The following UGP2 variants were observed in gnomAD, a reference collection of about 807,000 sequenced individuals.
UGP2 encodes UDP-glucose pyrophosphorylase 2.
Under a neutral mutation model 49.0 loss-of-function variants are expected in UGP2, and 40 were observed. That is an observed-to-expected ratio of 0.82 (90% CI 0.63 to 1.06). The LOEUF (loss-of-function observed/expected upper bound fraction) is 1.06, where lower values mean the gene tolerates loss of function less well. Among genes scored for constraint, UGP2 ranks in the 50% least tolerant of loss-of-function variants. The pLI, the probability that UGP2 is intolerant of heterozygous loss-of-function variation, is 0.00. For synonymous variants in UGP2, 225 were observed against 213.0 expected, an observed-to-expected ratio of 1.06 and a Z score of -0.49; for missense variants, 460 against 603.5, an observed-to-expected ratio of 0.76 and a Z score of 2.49.
intron 7 of UGP2, among the ~76,000 whole-genome samples, chr2:63,886,886 T>C (rs1239692695): frequency 3.3e-5 from 5 of 152,212 alleles, no homozygotes; most frequent in Non-Finnish European, 5.9e-5. Context: ...CATGAAATGA[T>C]ATTACTGAAC....
chr2:63,891,097 C>T, intron 9 of UGP2, 23 bp from the exon 10 acceptor site: 1 of 1,597,382 alleles, frequency 6.3e-7, no homozygotes, highest in Non-Finnish European at 8.6e-7. Context: ...CAAGTACACT[C>T]TTTTGTTTTC....
chr2:63,848,156 C>G (rs537902883), intron 1 of UGP2, among the ~76,000 whole-genome samples: 1 of 152,272 alleles, frequency 6.6e-6, no homozygotes, highest in African/African-American at 2.4e-5. Flanking sequence ...GATTCAGTTA[C>G]TACCTTTTTG....
chr2:63,849,035 A>G (rs747560540), intron 1 of UGP2, among the ~76,000 whole-genome samples: 1 of 152,188 alleles, frequency 6.6e-6, no homozygotes, highest in Non-Finnish European at 1.5e-5. Flanking sequence ...TTGTCTCGTT[A>G]ATATACATAA....
chr2:63,842,859 G>GT (rs1270403839), intron 1 of UGP2, among the ~76,000 whole-genome samples: 7 of 152,194 alleles, frequency 4.6e-5, no homozygotes, highest in Non-Finnish European at 8.8e-5. Flanking sequence ...TTTAAAAAGG[G>GT]TTAGGGAATG....
intron 9 of UGP2, 149 bp from the exon 10 acceptor site, chr2:63,890,971 C>CTGTT: frequency 1.9e-6 from 1 of 531,532 alleles, no homozygotes; most frequent in Non-Finnish European, 3.3e-6. Context: ...TTTTCCTTAA[C>CTGTT]TGTTATTTGT....
chr2:63,869,311 T>G (rs969679009), intron 3 of UGP2, among the ~76,000 whole-genome samples: 1 of 152,246 alleles, frequency 6.6e-6, no homozygotes, highest in African/African-American at 2.4e-5. Context: ...CTGTATTTAT[T>G]AAAGCATTTA....
chr2:63,850,250 C>T (rs1329994246), intron 1 of UGP2, among the ~76,000 whole-genome samples: 2 of 152,000 alleles, frequency 1.3e-5, no homozygotes, highest in East Asian at 1.9e-4. Context: ...TCTTTTTTAG[C>T]GAGCTGCTCT....
chr2:63,845,363 A>T (rs1419875072), intron 1 of UGP2, among the ~76,000 whole-genome samples: 1 of 152,232 alleles, frequency 6.6e-6, no homozygotes, highest in African/African-American at 2.4e-5. Context: ...AGTCAATTTT[A>T]CTTTTCTTTC....
chr2:63,855,520 G>GTTTTTTTTTTTTTTTTTTTTTC (rs1669342591), intron 1 of UGP2: 57 of 194,298 alleles, frequency 2.9e-4, no homozygotes, highest in Non-Finnish European at 3.5e-4. Context: ...TTCTTTTTCT[G>GTTTTTTTTTTTTTTTTTTTTTC]TTTTTTTTTT....
intron 1 of UGP2, chr2:63,855,973 A>C: frequency 4.3e-6 from 1 of 233,716 alleles, no homozygotes; most frequent in Non-Finnish European, 8.5e-6. Context: ...TGACACACGT[A>C]AGCAGTGGAA....
chr2:63,857,980 G>C (rs10183479), intron 3 of UGP2, 44 bp downstream of exon 3: 8 of 1,583,470 alleles, frequency 5.1e-6, no homozygotes, highest in Non-Finnish European at 6.1e-6. Flanking sequence ...GTAATCTTGG[G>C]CACTGGTTTT....
intron 3 of UGP2, among the ~76,000 whole-genome samples, chr2:63,866,060 A>C (rs914970947): frequency 6.6e-6 from 1 of 152,252 alleles, no homozygotes; most frequent in Non-Finnish European, 1.5e-5. Flanking sequence ...AATAGCAAAA[A>C]AAAATGTTGA....
rs1003536169 is a variant in UGP2 at position 63,884,213 on chromosome 2, T to A, written c.575+120T>A. On this transcript the variant is annotated intron_variant, in intron 5 of 9. Transcript: ENST00000337130. Reference sequence around the variant, plus strand: ...ACCAAATATTGATGTTCACAAGTGTTTGATGCCCATAAAAGCTGAGCATTT... The same window carrying A: ...ACCAAATATTGATGTTCACAAGTGTATGATGCCCATAAAAGCTGAGCATTT... 6 of 1,184,790 alleles carry A rather than the reference T, an allele frequency of 5.1e-6. No individual in the cohort carries two copies. The Admixed American group carries it at 1.1e-4, about 21-fold the overall frequency. The allele number at this position is 1,184,790 out of a possible 1,614,324, so 73.4% of individuals were successfully genotyped here.
intron 1 of UGP2, among the ~76,000 whole-genome samples, chr2:63,848,157 T>C (rs1668796916): frequency 6.6e-6 from 1 of 152,222 alleles, no homozygotes; most frequent in Non-Finnish European, 1.5e-5. Context: ...ATTCAGTTAC[T>C]ACCTTTTTGG....
intron 1 of UGP2, among the ~76,000 whole-genome samples, chr2:63,845,613 A>C (rs12612549): frequency 0.22 from 33,303 of 151,966 alleles, 4,986 homozygotes; most frequent in East Asian, 0.77. Flanking sequence ...ACTTGAGTAC[A>C]AGTTGGTGAC....
Position 63,891,139 on chromosome 2 carries a change from C to T in UGP2, c.1439C>T (p.Ala480Val). The change falls in exon 10 of 10, where the codon GCA becomes GTA. Residue 480 changes from alanine to valine, a missense_variant. Physicochemically the swap from Ala to Val is moderately conservative, Grantham distance 64 (BLOSUM62 0). Around this residue, in one of 2 missense-constraint regions of UGP2, gnomAD observed 317 missense variants for 473.0 expected, o/e 0.67. Coordinates refer to ENST00000337130, the MANE Select transcript of UGP2 (RefSeq NM_006759.4). ...ACTTAGGGAACGGTTATCATCATTGCAAATCATGGTGACAGAATTGATATC... is the reference window on the plus strand; with the variant it reads ...ACTTAGGGAACGGTTATCATCATTGTAAATCATGGTGACAGAATTGATATC... ...VSLKGTVIII[A>V]NHGDRIDIPP... 2 of 1,612,996 alleles carry T rather than the reference C, an allele frequency of 1.2e-6. No individual in the cohort carries two copies. The highest frequency in any genetic ancestry group is 1.7e-6 in the Non-Finnish European group (2 of 1,179,494).
chr2:63,882,492 CA>C lies in UGP2; in HGVS notation c.283del (p.Arg95GlyfsTer11), dbSNP rs762325909. The stretch of plus-strand genomic sequence containing the variant: ...TTCAACCCTATGAAAAGATAAAGGC[CA>C]GGGGCTTGCCTGATAATATATCTTC... ...SIQPYEKIKA[R>X]GLPDNISSVL... On this transcript the variant is annotated frameshift_variant, in exon 4 of 10. Coordinates refer to ENST00000337130, the MANE Select transcript of UGP2 (RefSeq NM_006759.4). LOFTEE classifies it high-confidence loss of function. 1 of 1,600,626 alleles carries C rather than the reference CA, an allele frequency of 6.2e-7. No homozygotes were observed. The highest frequency in any genetic ancestry group is 1.1e-5 in the South Asian group (1 of 88,890).
chr2:63,869,109 T>G (rs780419055), intron 3 of UGP2, among the ~76,000 whole-genome samples: 1 of 152,216 alleles, frequency 6.6e-6, no homozygotes, highest in Non-Finnish European at 1.5e-5. Context: ...GTTTCTAGTT[T>G]ACAATCTAGT....
At chr2:63,853,484 T>C (rs1346879729) in intron 1 of UGP2, among the ~76,000 whole-genome samples, 1 of 152,154 alleles carries the variant, frequency 6.6e-6, no homozygotes, top group African/African-American at 2.4e-5. Flanking sequence ...CGCTCTCCAA[T>C]TCTCTGACTT....
Sources: allele counts gnomAD v4.1 joint callset (sites outside exome capture counted in the v4.1 genomes callset), GRCh38; gene constraint gnomAD v4.1.1; regional missense constraint gnomAD v4.1.1; transcripts MANE v1.5; gene names NCBI Gene and HGNC (gene_info 2026-07-23, HGNC 2026-07-21).